Variants in NOL10 observed in about 807,000 individuals in gnomAD.
The protein encoded by NOL10 is nucleolar protein 10.
A neutral mutation model predicts 103.5 loss-of-function variants in NOL10; 58 were observed. The ratio of observed to expected loss-of-function variants is 0.56; its 90% CI spans 0.45 to 0.70. The LOEUF is 0.70. NOL10 is among the 30% of genes least tolerant of loss of function. The pLI is 0.00. For missense variants in NOL10, 763 were observed against 807.3 expected (o/e 0.95, Z 0.67); for synonymous variants, 287 against 282.5 (o/e 1.02, Z -0.16).
intron 12 of NOL10, among the ~76,000 whole-genome samples, chr2:10,651,572 C>T (rs1233909666): frequency 6.6e-6 from 1 of 151,996 alleles, no homozygotes; most frequent in Non-Finnish European, 1.5e-5. Context: ...ATTTTATACT[C>T]ACAGTACATG....
chr2:10,598,846 T>C (rs6751398), intron 17 of NOL10, among the ~76,000 whole-genome samples: 89,982 of 152,094 alleles, frequency 0.59, 27,637 homozygotes, highest in African/African-American at 0.74. Flanking sequence ...TTCCTAATGT[T>C]TTAAATTACA....
At chr2:10,646,940 G>C (rs891029698) in intron 12 of NOL10, among the ~76,000 whole-genome samples, 4 of 152,188 alleles carry the variant, frequency 2.6e-5, no homozygotes, top group Non-Finnish European at 4.4e-5. Context: ...AAAGATAACC[G>C]TAAGTACAGT....
chr2:10,596,020 T>C (rs1317006631), intron 17 of NOL10, among the ~76,000 whole-genome samples: 5 of 152,152 alleles, frequency 3.3e-5, no homozygotes, highest in Admixed American at 2.0e-4. Context: ...AATAATATTT[T>C]GGATGTTAAA....
chr2:10,665,848 T>C (rs10929690), intron 8 of NOL10, among the ~76,000 whole-genome samples: 80,143 of 152,106 alleles, frequency 0.53, 21,512 homozygotes, highest in Middle Eastern at 0.64. Context: ...AGATCAAACT[T>C]AGTGTCCCAT....
At chr2:10,573,008 G>A (rs564739982) in intron 20 of NOL10, among the ~76,000 whole-genome samples, 1 of 151,738 alleles carries the variant, frequency 6.6e-6, no homozygotes, top group Non-Finnish European at 1.5e-5. Flanking sequence ...AGAGTTACAC[G>A]GTTTTAAAAA....
intron 19 of NOL10, 79 bp from the exon 20 acceptor site, chr2:10,577,817 T>C: frequency 2.2e-6 from 2 of 919,440 alleles, no homozygotes. Flanking sequence ...TTGATTAGAA[T>C]TGATAGCGAA....
At chr2:10,688,729 C>T (rs1487124033) in intron 1 of NOL10, among the ~76,000 whole-genome samples, 1 of 152,214 alleles carries the variant, frequency 6.6e-6, no homozygotes, top group Non-Finnish European at 1.5e-5. Flanking sequence ...GAAATGTCCA[C>T]TATAGATCCC....
intron 6 of NOL10, 22 bp from the exon 7 acceptor site, chr2:10,668,745 T>C (rs1025959516): frequency 2.6e-6 from 3 of 1,141,104 alleles, no homozygotes; most frequent in Non-Finnish European, 3.7e-6. Context: ...TAAAGAAAGT[T>C]AAAAACCTGC....
intron 13 of NOL10, among the ~76,000 whole-genome samples, chr2:10,637,761 A>C (rs1572347759): frequency 1.3e-5 from 2 of 152,318 alleles, no homozygotes; most frequent in African/African-American, 4.8e-5. Context: ...TTGTGGGTTT[A>C]TGAACTGCTG....
intron 13 of NOL10, among the ~76,000 whole-genome samples, chr2:10,616,840 C>T (rs537890157): frequency 2.4e-4 from 36 of 152,282 alleles, no homozygotes; most frequent in Non-Finnish European, 4.1e-4. Flanking sequence ...TGAGACACCA[C>T]GTCTGGCCCT....
chr2:10,574,031 T>C (rs2148135573), intron 20 of NOL10, among the ~76,000 whole-genome samples: 1 of 152,314 alleles, frequency 6.6e-6, no homozygotes, highest in South Asian at 2.1e-4. Context: ...GTTTGGTCCC[T>C]TACCAAACAC....
chr2:10,665,075 C>T (rs1159844870), intron 8 of NOL10, among the ~76,000 whole-genome samples: 1 of 152,142 alleles, frequency 6.6e-6, no homozygotes, highest in East Asian at 1.9e-4. Context: ...CTTCAATATA[C>T]TTAGGAGGTT....
intron 20 of NOL10, among the ~76,000 whole-genome samples, chr2:10,573,440 C>A (rs546187214): frequency 6.6e-5 from 10 of 152,098 alleles, no homozygotes; most frequent in African/African-American, 1.9e-4. Context: ...GATCCACCCA[C>A]CTTGGCCTCC....
chr2:10,674,648 A>T (rs1681177053), intron 4 of NOL10, among the ~76,000 whole-genome samples: 1 of 151,632 alleles, frequency 6.6e-6, no homozygotes, highest in Admixed American at 6.6e-5. Flanking sequence ...GACCAGCCTG[A>T]CCAACATGGT....
chr2:10,601,779 C>CCA (rs1395325863), intron 16 of NOL10, among the ~76,000 whole-genome samples: 1 of 152,196 alleles, frequency 6.6e-6, no homozygotes, highest in African/African-American at 2.4e-5. Flanking sequence ...CCACTGTACT[C>CCA]CACCATGGGC....
chr2:10,643,308 A>G (rs1678843446), intron 13 of NOL10, among the ~76,000 whole-genome samples: 1 of 152,200 alleles, frequency 6.6e-6, no homozygotes, highest in Admixed American at 6.5e-5. Flanking sequence ...ATAGACAGGA[A>G]TAATTTTCAT....
intron 4 of NOL10, among the ~76,000 whole-genome samples, chr2:10,674,446 G>T (rs533395728): frequency 2.5e-3 from 384 of 152,240 alleles, no homozygotes; most frequent in Non-Finnish European, 4.7e-3. Flanking sequence ...CCCTTCCCTT[G>T]AGAGTGTGGG....
At chr2:10,587,945 A>G (rs1414094424) in intron 19 of NOL10, among the ~76,000 whole-genome samples, 3 of 152,094 alleles carry the variant, frequency 2.0e-5, no homozygotes, top group Non-Finnish European at 2.9e-5. Context: ...CACCTTGTCT[A>G]TTCTGCCCAC....
At chr2:10,653,912 T>C (rs1679650834) in intron 12 of NOL10, among the ~76,000 whole-genome samples, 1 of 152,226 alleles carries the variant, frequency 6.6e-6, no homozygotes. Context: ...TCTATCAAGA[T>C]GATCTGGGTA....
Sources: allele counts gnomAD v4.1 joint callset (sites outside exome capture counted in the v4.1 genomes callset), GRCh38; gene constraint gnomAD v4.1.1; transcripts MANE v1.5; gene names NCBI Gene and HGNC (gene_info 2026-07-23, HGNC 2026-07-21).